Variants in OTUD5 observed in about 807,000 individuals in gnomAD.
The protein encoded by OTUD5 is OTU deubiquitinase 5, also known as OTU domain-containing protein 5.
In OTUD5, 2 loss-of-function variants were observed where a neutral mutation model predicts 36.3. The observed-to-expected ratio is 0.06, with a 90% CI of 0.02 to 0.17. The LOEUF (loss-of-function observed/expected upper bound fraction) is 0.17, where lower values mean the gene tolerates loss of function less well. OTUD5 is among the 10% of genes least tolerant of loss of function. The pLI is 1.00. For synonymous variants in OTUD5, 234 were observed against 214.9 expected (o/e 1.09, Z -0.78); for missense variants, 233 against 512.3 (o/e 0.45, Z 5.26).
intron 5 of OTUD5, among the ~76,000 whole-genome samples, chrX:48,933,016 C>T (rs782341463): frequency 8.2e-5 from 9 of 110,354 alleles, no homozygotes; most frequent in Non-Finnish European, 1.3e-4. Flanking sequence ...GAAAATGAGC[C>T]ATTAAACCAG....
intron 2 of OTUD5, among the ~76,000 whole-genome samples, chrX:48,941,007 G>A (rs1557050886): frequency 9.0e-6 from 1 of 111,491 alleles, no homozygotes; most frequent in Admixed American, 9.5e-5. Context: ...CCTGCCTCAA[G>A]ACTCCCAACA....
At chrX:48,931,486 G>C (rs1414212284) in intron 5 of OTUD5, among the ~76,000 whole-genome samples, 1 of 112,706 alleles carries the variant, frequency 8.9e-6, no homozygotes, top group Non-Finnish European at 1.9e-5. Flanking sequence ...TCATTTAATA[G>C]TAACGTATTA....
chrX:48,926,924 T>C (rs2063676100), intron 5 of OTUD5, among the ~76,000 whole-genome samples: 1 of 111,543 alleles, frequency 9.0e-6, no homozygotes, highest in Admixed American at 9.6e-5. Flanking sequence ...TTTTAAAAAA[T>C]AGAAAATATC....
intron 1 of OTUD5, among the ~76,000 whole-genome samples, chrX:48,951,897 T>G (rs933940231): frequency 9.1e-6 from 1 of 109,759 alleles, no homozygotes; most frequent in Non-Finnish European, 1.9e-5. Context: ...CTCTACTAAA[T>G]ATACAAAAAT....
chrX:48,941,067 A>G (rs2063911581), intron 2 of OTUD5, among the ~76,000 whole-genome samples: 1 of 111,542 alleles, frequency 9.0e-6, no homozygotes. Flanking sequence ...CAGAGAAGTC[A>G]AGGAACACAG....
intron 6 of OTUD5, among the ~76,000 whole-genome samples, chrX:48,925,585 G>T (rs972509222): frequency 6.2e-5 from 7 of 112,132 alleles, no homozygotes; most frequent in Admixed American, 2.8e-4. Flanking sequence ...ACAAAAGCTT[G>T]TGTCTCTGAA....
At chrX:48,942,244 T>TACATACAC in intron 2 of OTUD5, among the ~76,000 whole-genome samples, 1 of 57,094 alleles carries the variant, frequency 1.8e-5, no homozygotes, top group Admixed American at 2.5e-4. Context: ...CACACACACA[T>TACATACAC]ACACACACAC....
At chrX:48,952,561 AATCCCC>A (rs1414640236) in intron 1 of OTUD5, among the ~76,000 whole-genome samples, 1 of 112,384 alleles carries the variant, frequency 8.9e-6, no homozygotes, top group African/African-American at 3.2e-5. Flanking sequence ...GTCCTAGCAC[AATCCCC>A]AAAGGCCAAG....
At chrX:48,927,742 G>A (rs782311166) in intron 5 of OTUD5, among the ~76,000 whole-genome samples, 1 of 111,173 alleles carries the variant, frequency 9.0e-6, no homozygotes, top group African/African-American at 3.3e-5. Flanking sequence ...TATTGATTAT[G>A]CCATTGGACA....
rs1382831802 is a variant in OTUD5, at chrX:48,935,961, A to G, written c.689-943T>C. Among the ~76,000 whole-genome samples, 259 of 82,078 alleles carry G rather than the reference A, an allele frequency of 3.2e-3. 1 individual carries two copies. The highest frequency in any genetic ancestry group is 0.01 in the African/African-American group (239 of 23,712). 71.3% of individuals were successfully genotyped at this position (82,078 alleles called of 115,157 possible). A position where few individuals can be genotyped will look rare whatever the true frequency, so the allele number is the denominator to read the frequency against. On this transcript the variant is annotated intron_variant, in intron 2 of 8. Coordinates refer to ENST00000376488, the MANE Select transcript of OTUD5 (RefSeq NM_001136157.2). ...CTCAAAAAAAAAAAAAAAAAAAAAA[A>G]GGGATAACCAAATGGCAGGCCTTTT...
At position 48,944,368 on chromosome X, in the gene OTUD5, G is replaced by C. The variant is rs782483423; in HGVS notation, c.595-85C>G. On this transcript the variant is annotated intron_variant, in intron 1 of 8. Transcript: ENST00000376488. ...CGACCTCAAGCTCCCGAGAGGCCTAGATCATTGACAGAGAGGACGCTGGCC... is the reference window on the plus strand; with the variant it reads ...CGACCTCAAGCTCCCGAGAGGCCTACATCATTGACAGAGAGGACGCTGGCC... 88 of 586,353 alleles carry C rather than the reference G, an allele frequency of 1.5e-4. No individual in the cohort carries two copies. In the Middle Eastern group the frequency reaches 2.0e-3, roughly 13 times the overall value. 48.3% of individuals were successfully genotyped at this position (586,353 alleles called of 1,213,427 possible).
chrX:48,926,602 C>T (rs782252234), intron 5 of OTUD5, among the ~76,000 whole-genome samples: 1 of 111,782 alleles, frequency 8.9e-6, no homozygotes, highest in Non-Finnish European at 1.9e-5. Flanking sequence ...ATCCACCCGA[C>T]TCGGCCTCCC....
chrX:48,957,427 G>A lies in OTUD5; in HGVS notation c.144C>T (p.Gly48=). The A allele has an allele frequency of 1.9e-6, 2 of 1,059,574 alleles. No individual in the cohort carries two copies. The highest frequency in any genetic ancestry group is 2.4e-6 in the Non-Finnish European group (2 of 824,790). The allele number at this position is 1,059,574 out of a possible 1,213,427, so 87.3% of individuals were successfully genotyped here. ...CGACGCCGGAGTCACGGTCGCGATC[G>A]CCGCCGCCCACGCCCGTGCCGCCGC... The part of the protein sequence containing the change: ...VGGGGTGVGG[G]DRDRDSGVVG... The change falls in exon 1 of 9, where the codon GGC becomes GGT. Residue 48 remains glycine (G), a synonymous_variant. Transcript: ENST00000376488.
chrX:48,942,336 A>ACACACACG (rs2063948163), intron 2 of OTUD5, among the ~76,000 whole-genome samples: 1 of 102,349 alleles, frequency 9.8e-6, no homozygotes, highest in Non-Finnish European at 2.0e-5. Flanking sequence ...ACACACACAC[A>ACACACACG]CGGCTCTTGA....
At chrX:48,929,012 G>A (rs1193138382) in intron 5 of OTUD5, among the ~76,000 whole-genome samples, 2 of 110,784 alleles carry the variant, frequency 1.8e-5, no homozygotes, top group African/African-American at 6.6e-5. Context: ...TACTGTAATA[G>A]TAGATACATA....
intron 2 of OTUD5, among the ~76,000 whole-genome samples, chrX:48,935,665 G>A (rs1215233678): frequency 1.8e-5 from 2 of 111,297 alleles, no homozygotes; most frequent in African/African-American, 6.5e-5. Context: ...CAGGCCAGGC[G>A]TGGAGGCTCA....
chrX:48,929,717 G>C (rs1351902310), intron 5 of OTUD5, among the ~76,000 whole-genome samples: 2 of 109,751 alleles, frequency 1.8e-5, no homozygotes, highest in Non-Finnish European at 3.8e-5. Context: ...GTGAGACTCT[G>C]TCTCAAAAAT....
chrX:48,936,844 C>T (rs1292680141), intron 2 of OTUD5, among the ~76,000 whole-genome samples: 1 of 111,632 alleles, frequency 9.0e-6, no homozygotes, highest in Admixed American at 9.5e-5. Context: ...CCTTTGTTTC[C>T]CCAGAGGACC....
At chrX:48,923,396 G>T in intron 8 of OTUD5, 101 bp from the exon 9 acceptor site, 1 of 680,653 alleles carries the variant, frequency 1.5e-6, no homozygotes, top group Non-Finnish European at 2.3e-6. Context: ...ATCCCATAGG[G>T]CCCTTCTCAC....
Sources: gnomAD v4.1 joint callset for allele counts (sites outside exome capture counted in the v4.1 genomes callset) on GRCh38, gnomAD v4.1.1 for gene constraint, MANE v1.5 for transcripts, NCBI Gene and HGNC (gene_info 2026-07-23, HGNC 2026-07-21) for gene names.